The following EPHB1 variants were observed in gnomAD, a reference collection of about 807,000 sequenced individuals.
EPHB1 encodes ephrin type-B receptor 1.
A neutral mutation model predicts 94.4 loss-of-function variants in EPHB1; 30 were observed. That is an observed-to-expected ratio of 0.32 (90% CI 0.24 to 0.43). The LOEUF is 0.43. EPHB1 is among the 20% of genes least tolerant of loss of function. The pLI, the probability that EPHB1 is intolerant of heterozygous loss-of-function variation, is 1.00. For missense variants in EPHB1, 1,055 were observed against 1,308.3 expected, an observed-to-expected ratio of 0.81 and a Z score of 2.99; for synonymous variants, 522 against 489.1, an observed-to-expected ratio of 1.07 and a Z score of -0.89.
chr3:134,990,248 G>T (rs1934747967), intron 3 of EPHB1, among the ~76,000 whole-genome samples: 1 of 152,128 alleles, frequency 6.6e-6, no homozygotes, highest in Non-Finnish European at 1.5e-5. Flanking sequence ...CTTTTGAGGT[G>T]ATTTATTTAT....
chr3:134,951,323 T>C lies in EPHB1; in HGVS notation c.124-48T>C, dbSNP rs1559768487. 6.8e-6 allele frequency: 10 copies of C among 1,476,578 alleles called. No individual in the cohort carries two copies. The highest frequency in any genetic ancestry group is 9.0e-6 in the Non-Finnish European group (10 of 1,107,944). 91.5% of individuals were successfully genotyped at this position (1,476,578 alleles called of 1,614,324 possible). A position where few individuals can be genotyped will look rare whatever the true frequency, so the allele number is the denominator to read the frequency against. On this transcript the variant is annotated intron_variant, in intron 2 of 15. Transcript: ENST00000398015. The surrounding 1 kb of genome is among the most constrained non-coding windows in gnomAD (Gnocchi z 4.5). ...TATGCCTATTTTTGTATTCTCACTC[T>C]CTATTTTGTGTTTTTGCATGTGTGT...
chr3:135,000,321 A>G (rs1167255936), intron 3 of EPHB1, among the ~76,000 whole-genome samples: 1 of 152,250 alleles, frequency 6.6e-6, no homozygotes, highest in Non-Finnish European at 1.5e-5. Context: ...GTGATGAGGC[A>G]TCATCTCTGC....
intron 15 of EPHB1, among the ~76,000 whole-genome samples, chr3:135,251,884 G>C (rs1196548221): frequency 6.6e-6 from 1 of 152,194 alleles, no homozygotes; most frequent in Non-Finnish European, 1.5e-5. Context: ...CCTTGGAAGA[G>C]TTCTGCCAGC....
chr3:134,868,911 G>A (rs1243273285), intron 1 of EPHB1, among the ~76,000 whole-genome samples: 3 of 152,220 alleles, frequency 2.0e-5, no homozygotes, highest in East Asian at 1.9e-4. Context: ...TACCATTGCC[G>A]CTTGATGCAT....
chr3:135,103,586 A>G (rs959693438), intron 3 of EPHB1, among the ~76,000 whole-genome samples: 1 of 152,260 alleles, frequency 6.6e-6, no homozygotes, highest in Non-Finnish European at 1.5e-5. Context: ...TGAGAAATTT[A>G]CAGTTCTTTT....
intron 6 of EPHB1, 40 bp downstream of exon 6, chr3:135,154,316 C>A (rs1250795753): frequency 6.2e-7 from 1 of 1,612,178 alleles, no homozygotes; most frequent in Non-Finnish European, 8.5e-7. Context: ...GACCCAAGGC[C>A]AGCCACTGTT....
At chr3:135,019,187 T>G (rs767116871) in intron 3 of EPHB1, among the ~76,000 whole-genome samples, 7 of 152,104 alleles carry the variant, frequency 4.6e-5, no homozygotes, top group Non-Finnish European at 1.0e-4. Context: ...CCCACAGCAG[T>G]AGGCTTGTTG....
Position 134,795,623 on chromosome 3 carries a change from C to T in EPHB1, c.-9C>T, listed in dbSNP as rs546478069. On this transcript the variant is annotated 5_prime_UTR_variant, in exon 1 of 16. Transcript: ENST00000398015. ...GGCTTGGTCTCGGCCTGCGGGCCGTCGGCCGGCGATGGCCCTGGATTATCT... is the reference window on the plus strand; with the variant it reads ...GGCTTGGTCTCGGCCTGCGGGCCGTTGGCCGGCGATGGCCCTGGATTATCT... 2.4e-5 allele frequency: 39 copies of T among 1,603,240 alleles called. No individual in the cohort carries two copies. In the Admixed American group the frequency reaches 4.4e-4, roughly 18 times the overall value.
intron 10 of EPHB1, among the ~76,000 whole-genome samples, chr3:135,180,262 G>A (rs960121350): frequency 2.6e-5 from 4 of 152,184 alleles, no homozygotes; most frequent in South Asian, 2.1e-4. Context: ...CTCTGGAAAT[G>A]GACCACCAAA....
intron 2 of EPHB1, among the ~76,000 whole-genome samples, chr3:134,929,285 G>A (rs184014398): frequency 2.0e-5 from 3 of 152,306 alleles, no homozygotes; most frequent in Admixed American, 1.3e-4. Context: ...TATGAGGTTG[G>A]AAGTGAGGTT....
In EPHB1 at chr3:134,951,239, A is replaced by T; in HGVS notation, c.124-132A>T. 1.4e-6 allele frequency: 1 copy of T among 714,144 alleles called. No individual in the cohort carries two copies. Among genetic ancestry groups the T allele is most frequent in the Non-Finnish European group, 2.2e-6 (1 of 460,802 alleles). The allele number at this position is 714,144 out of a possible 1,614,324, so 44.2% of individuals were successfully genotyped here. ...TGCGCTTAGATGTGTTCATTTCTCA[A>T]GTCAATCTGCTGGACTGGTGAGCTC... On this transcript the variant is annotated intron_variant, in intron 2 of 15. Transcript: ENST00000398015. This position sits in a 1 kb window ranked among gnomAD's most constrained non-coding sequence, Gnocchi z 4.5.
intron 1 of EPHB1, among the ~76,000 whole-genome samples, chr3:134,880,420 A>G (rs905277912): frequency 3.9e-5 from 6 of 152,110 alleles, no homozygotes; most frequent in South Asian, 2.1e-4. Context: ...GGCACTTCCT[A>G]TAGGAGGTAA....
At chr3:135,127,887 T>C (rs1448681380) in intron 4 of EPHB1, among the ~76,000 whole-genome samples, 3 of 152,172 alleles carry the variant, frequency 2.0e-5, no homozygotes, top group Non-Finnish European at 4.4e-5. Context: ...AGGCACATCC[T>C]GGAGGACATC....
intron 7 of EPHB1, among the ~76,000 whole-genome samples, chr3:135,164,234 T>C (rs1484958246): frequency 6.6e-6 from 1 of 152,234 alleles, no homozygotes. Context: ...AAATTTTCCT[T>C]CAGTCTTTAA....
intron 12 of EPHB1, among the ~76,000 whole-genome samples, chr3:135,219,108 C>T (rs1419163001): frequency 2.0e-5 from 3 of 152,078 alleles, no homozygotes; most frequent in East Asian, 3.9e-4. Context: ...CTGAGGTAGA[C>T]GTAAGCCTCA....
intron 4 of EPHB1, among the ~76,000 whole-genome samples, chr3:135,111,995 G>T (rs1939466908): frequency 6.6e-6 from 1 of 152,238 alleles, no homozygotes; most frequent in Non-Finnish European, 1.5e-5. Context: ...ACTCTTGAGT[G>T]GTCAGAGCAG....
At chr3:134,904,816 A>G (rs961294265) in intron 1 of EPHB1, among the ~76,000 whole-genome samples, 1 of 152,238 alleles carries the variant, frequency 6.6e-6, no homozygotes, top group Non-Finnish European at 1.5e-5. Context: ...TAGTGTTTAT[A>G]CAATTTGTTC....
rs1048627067 is a variant in EPHB1 at position 135,024,102 on chromosome 3, C to A, written c.805+72050C>A. Among the ~76,000 whole-genome samples, 3 of 152,066 alleles carry A rather than the reference C, an allele frequency of 2.0e-5. No homozygotes were observed. The South Asian group carries it at 6.2e-4, about 32-fold the overall frequency. On this transcript the variant is annotated intron_variant, in intron 3 of 15. Transcript: ENST00000398015. ...CCACCAACACTTGGTTCAGGCCACA[C>A]GTGGTAATGATGGCTGAGCTGAGCT...
chr3:135,224,340 C>T (rs1943344512), intron 12 of EPHB1, among the ~76,000 whole-genome samples: 1 of 152,158 alleles, frequency 6.6e-6, no homozygotes, highest in South Asian at 2.1e-4. Context: ...ATAAGACATT[C>T]CTCATTTGGC....
Sources: gnomAD v4.1 joint callset for allele counts (sites outside exome capture counted in the v4.1 genomes callset) on GRCh38, gnomAD v4.1.1 for gene constraint, Gnocchi (gnomAD v3.1) non-coding constraint, MANE v1.5 for transcripts, NCBI Gene and HGNC (gene_info 2026-07-23, HGNC 2026-07-21) for gene names.